Variants in RBBP8 observed in about 807,000 individuals in gnomAD.
RBBP8 encodes DNA endonuclease RBBP8.
A neutral mutation model predicts 108.3 loss-of-function variants in RBBP8; 88 were observed. That is an observed-to-expected ratio of 0.81 (90% CI 0.68 to 0.97). The LOEUF is 0.97. Among genes scored for constraint, RBBP8 ranks in the 50% least tolerant of loss-of-function variants. RBBP8 has a pLI of 0.00. For missense variants in RBBP8, 1,023 were observed against 1,049.0 expected, an observed-to-expected ratio of 0.98 and a Z score of 0.34; for synonymous variants, 332 against 348.2, an observed-to-expected ratio of 0.95 and a Z score of 0.52.
intron 6 of RBBP8, among the ~76,000 whole-genome samples, chr18:22,981,619 T>C (rs909709858): frequency 6.6e-6 from 1 of 152,244 alleles, no homozygotes; most frequent in Admixed American, 6.5e-5. Flanking sequence ...TCATCCTGTA[T>C]TTGTCAAGCA....
chr18:22,949,059 T>C lies in RBBP8; in HGVS notation c.153-559T>C, dbSNP rs544246259. On this transcript the variant is annotated intron_variant, in intron 3 of 18. Coordinates refer to ENST00000327155, the MANE Select transcript of RBBP8 (RefSeq NM_002894.3). The stretch of plus-strand genomic sequence containing the variant: ...CGTATCCAATACATACATTAATACT[T>C]ATTTCTCAGACCTTTTGGAGTAGAT... Among the ~76,000 whole-genome samples the C allele has an allele frequency of 4.6e-5, 7 of 152,318 alleles. No individual in the cohort carries two copies. In the South Asian group the frequency reaches 1.2e-3, roughly 27 times the overall value.
At chr18:22,960,076 G>A (rs769673002) in intron 4 of RBBP8, among the ~76,000 whole-genome samples, 5 of 151,630 alleles carry the variant, frequency 3.3e-5, no homozygotes, top group East Asian at 1.9e-4. Context: ...ATATTTTTTC[G>A]TAGAGACGGG....
In RBBP8 at chr18:22,997,367, G is replaced by A. The variant is rs9945620; in HGVS notation, c.2029-253G>A. Among the ~76,000 whole-genome samples, 74,284 of 152,058 alleles carry A rather than the reference G, an allele frequency of 0.49. 21,430 individuals are homozygous for A. Among genetic ancestry groups the A allele is most frequent in the Middle Eastern group, 0.67 (196 of 294 alleles). ...AGGAAAAGTTCAGGGGTGTTTAGTGGTAAATAATTCTCCCTTTCCTTGGCA... is the reference window on the plus strand; with the variant it reads ...AGGAAAAGTTCAGGGGTGTTTAGTGATAAATAATTCTCCCTTTCCTTGGCA... On this transcript the variant is annotated intron_variant, in intron 13 of 18. Coordinates refer to ENST00000327155, the MANE Select transcript of RBBP8 (RefSeq NM_002894.3).
At chr18:22,988,945 G>A (rs935634829) in intron 8 of RBBP8, among the ~76,000 whole-genome samples, 8 of 152,094 alleles carry the variant, frequency 5.3e-5, no homozygotes, top group African/African-American at 1.9e-4. Context: ...TTTTTCCCCA[G>A]TGGCAATAAG....
chr18:23,006,377 C>A lies in RBBP8; in HGVS notation c.2302C>A (p.Gln768Lys). The A allele has an allele frequency of 6.2e-7, 1 of 1,613,084 alleles. No individual in the cohort carries two copies. Among genetic ancestry groups the A allele is most frequent in the Non-Finnish European group, 8.5e-7 (1 of 1,179,458 alleles). Residue 768 changes from glutamine (Q) to lysine (K), a missense_variant, in exon 16 of 19, where the codon CAA (glutamine) becomes AAA (lysine). Physicochemically the swap from Gln to Lys is moderately conservative, Grantham distance 53 (BLOSUM62 1). Coordinates refer to ENST00000327155, the MANE Select transcript of RBBP8 (RefSeq NM_002894.3). ...TTTATTTATAGCTCATGGTGATAAA[C>A]AAGACAAAGTCAAGCAGAAAGCGTT... Reference protein sequence around the residue: ...TKKLHTHGDKQDKVKQKAFVE... With the variant: ...TKKLHTHGDKKDKVKQKAFVE...
upstream of RBBP8, among the ~76,000 whole-genome samples, chr18:22,931,980 A>G (rs7240646): frequency 5.5e-4 from 84 of 152,330 alleles, no homozygotes; most frequent in African/African-American, 1.9e-3. Context: ...TAGGTAAGAA[A>G]TAACAGTATC....
Position 23,001,608 on chromosome 18 carries a change from T to A in RBBP8, c.2166T>A (p.Asp722Glu). The A allele has an allele frequency of 6.2e-7, 1 of 1,614,110 alleles. No individual in the cohort carries two copies. Among genetic ancestry groups the A allele is most frequent in the Non-Finnish European group, 8.5e-7 (1 of 1,179,996 alleles). ...KSSNEERKMN[D>E]SLEDMFDRTT... Reference sequence around the variant, plus strand: ...TAGATGAAGAAAGAAAAATGAATGATAGCTTGGAAGATATGTTTGATCGGA... The same window carrying A: ...TAGATGAAGAAAGAAAAATGAATGAAAGCTTGGAAGATATGTTTGATCGGA... Residue 722 changes from aspartate (D) to glutamate (E), a missense_variant, in exon 15 of 19, where the codon GAT (aspartate) becomes GAA (glutamate). Transcript: ENST00000327155.
intron 4 of RBBP8, among the ~76,000 whole-genome samples, chr18:22,955,973 A>T (rs1337058086): frequency 1.3e-5 from 2 of 152,212 alleles, no homozygotes; most frequent in Non-Finnish European, 2.9e-5. Flanking sequence ...TGTTATATAA[A>T]TTAATTACAT....
intron 4 of RBBP8, among the ~76,000 whole-genome samples, chr18:22,955,357 G>A (rs1030074479): frequency 6.6e-6 from 1 of 152,070 alleles, no homozygotes; most frequent in Non-Finnish European, 1.5e-5. Context: ...TTTATCTCTT[G>A]TTTCATGAAG....
intron 12 of RBBP8, among the ~76,000 whole-genome samples, chr18:22,994,501 G>A (rs1313258357): frequency 6.7e-6 from 1 of 149,184 alleles, no homozygotes. Context: ...AATAAGCCAG[G>A]CATGGTGGCA....
At chr18:22,922,480 T>C (rs148520617) in intron 3 of RBBP8, among the ~76,000 whole-genome samples, 3,976 of 152,210 alleles carry the variant, frequency 0.026, 75 homozygotes, top group South Asian at 0.066. Flanking sequence ...TTAATTTTTT[T>C]GAGACAGGGT....
chr18:22,930,404 A>G, upstream of RBBP8, among the ~76,000 whole-genome samples: 1 of 152,232 alleles, frequency 6.6e-6, no homozygotes, highest in East Asian at 1.9e-4. Flanking sequence ...TGAAATTGAA[A>G]AAGTTTGGGA....
chr18:22,960,919 C>T (rs979359001), intron 4 of RBBP8, among the ~76,000 whole-genome samples: 4 of 152,136 alleles, frequency 2.6e-5, no homozygotes, highest in Non-Finnish European at 4.4e-5. Context: ...TTGAGATACT[C>T]GTTCCTTTGT....
chr18:23,011,851 TC>T (rs2046169335), intron 16 of RBBP8, among the ~76,000 whole-genome samples: 1 of 152,076 alleles, frequency 6.6e-6, no homozygotes. Flanking sequence ...CCGACCATTT[TC>T]CCATCTCTCC....
At chr18:22,938,674 A>T (rs1910786438) in intron 2 of RBBP8, among the ~76,000 whole-genome samples, 1 of 152,200 alleles carries the variant, frequency 6.6e-6, no homozygotes, top group South Asian at 2.1e-4. Context: ...TTCTGATTTC[A>T]TTTACCCACT....
At chr18:22,968,076 A>ATT (rs779989547) in intron 4 of RBBP8, among the ~76,000 whole-genome samples, 1 of 140,008 alleles carries the variant, frequency 7.1e-6, no homozygotes, top group Non-Finnish European at 1.6e-5. Flanking sequence ...ACAAAAAAAA[A>ATT]TTTTTTTTTT....
At chr18:22,924,592 T>C (rs1909721876) in intron 3 of RBBP8, among the ~76,000 whole-genome samples, 1 of 152,164 alleles carries the variant, frequency 6.6e-6, no homozygotes, top group African/African-American at 2.4e-5. Context: ...GGCTAATTTG[T>C]TTTTATTTTT....
chr18:22,918,727 G>A (rs2034932), intron 3 of RBBP8, among the ~76,000 whole-genome samples: 74,358 of 151,802 alleles, frequency 0.49, 21,333 homozygotes, highest in Middle Eastern at 0.65. Flanking sequence ...CCCAGGTTTA[G>A]CCTCCCATGT....
upstream of RBBP8, among the ~76,000 whole-genome samples, chr18:22,929,696 T>TA (rs1909951709): frequency 1.3e-5 from 2 of 152,102 alleles, no homozygotes; most frequent in African/African-American, 4.8e-5. Flanking sequence ...GTTGTATTTT[T>TA]AACTGCAAAT....
Sources: gnomAD v4.1 joint callset for allele counts (sites outside exome capture counted in the v4.1 genomes callset) on GRCh38, gnomAD v4.1.1 for gene constraint, MANE v1.5 for transcripts, NCBI Gene and HGNC (gene_info 2026-07-23, HGNC 2026-07-21) for gene names.